SPATA31F1: variants seen among roughly 807,000 people sequenced by gnomAD.
SPATA31F1 encodes SPATA31 subfamily F member 1, also known as protein SPATA31F1.
At chr9:34,727,983 A>G in the SPATA31F1 span, 1 of 1,539,444 alleles carries the variant, frequency 6.5e-7, no homozygotes, top group Non-Finnish European at 8.8e-7. Flanking sequence ...ATCATAGGCC[A>G]GGCTGGTTGT....
the SPATA31F1 span, chr9:34,724,100 T>C: frequency 6.5e-7 from 1 of 1,528,816 alleles, no homozygotes; most frequent in Non-Finnish European, 8.8e-7. Context: ...GTCCTCTCTG[T>C]TTCCTGCTAG....
chr9:34,724,077 T>C, the SPATA31F1 span: 1 of 1,525,054 alleles, frequency 6.6e-7, no homozygotes, highest in Non-Finnish European at 8.8e-7. Context: ...CTGGCTGCTT[T>C]GGTTTCCTCT....
At chr9:34,723,269 C>T in the SPATA31F1 span, 84 of 1,551,716 alleles carry the variant, frequency 5.4e-5, 1 homozygote, top group Middle Eastern at 3.3e-4. Context: ...ACAAGCCTCT[C>T]GAGGACAGTG....
At chr9:34,724,155 G>A in the SPATA31F1 span, 7 of 1,550,342 alleles carry the variant, frequency 4.5e-6, no homozygotes, top group Non-Finnish European at 6.1e-6. Flanking sequence ...GGGCTTTGAG[G>A]CTCAGGGCCA....
chr9:34,727,521 G>A, the SPATA31F1 span, among the ~76,000 whole-genome samples: 2 of 152,192 alleles, frequency 1.3e-5, no homozygotes, highest in Non-Finnish European at 2.9e-5. Flanking sequence ...TTAAGGAGAG[G>A]ATAATATAAT....
At chr9:34,729,473 A>C in the SPATA31F1 span, 53 of 1,519,720 alleles carry the variant, frequency 3.5e-5, no homozygotes, top group Non-Finnish European at 4.2e-5. Context: ...TCTATCTCGG[A>C]ATTCAGGGTT....
chr9:34,728,238 C>T, the SPATA31F1 span, among the ~76,000 whole-genome samples: 4 of 152,196 alleles, frequency 2.6e-5, no homozygotes, highest in African/African-American at 7.2e-5. Context: ...ATCGCTGTAA[C>T]ACAATGTCCC....
the SPATA31F1 span, chr9:34,723,281 C>T: frequency 5.3e-3 from 8,232 of 1,551,706 alleles, 31 homozygotes; most frequent in Non-Finnish European, 6.0e-3. Flanking sequence ...AGGACAGTGA[C>T]GAGGGCAGTG....
At chr9:34,723,621 T>C in the SPATA31F1 span, 6 of 1,551,790 alleles carry the variant, frequency 3.9e-6, no homozygotes, top group African/African-American at 1.4e-5. Flanking sequence ...CTAGACTCTG[T>C]AAGGCTGGGC....
the SPATA31F1 span, chr9:34,723,183 T>C: frequency 1.3e-6 from 2 of 1,519,846 alleles, no homozygotes; most frequent in African/African-American, 1.4e-5. Flanking sequence ...TGGCTCTGCA[T>C]GTTCTCCTTG....
chr9:34,723,450 T>C, the SPATA31F1 span: 5 of 1,551,654 alleles, frequency 3.2e-6, no homozygotes, highest in Non-Finnish European at 3.5e-6. Context: ...TCCGTCTTAC[T>C]TCTCCCCACA....
chr9:34,723,331 G>A, the SPATA31F1 span: 1 of 1,551,688 alleles, frequency 6.4e-7, no homozygotes, highest in Non-Finnish European at 8.7e-7. Context: ...CAGGTTGTCT[G>A]GAGTGTAGCC....
At chr9:34,726,706 C>A in the SPATA31F1 span, 8 of 1,551,684 alleles carry the variant, frequency 5.2e-6, no homozygotes, top group Admixed American at 2.0e-5. Context: ...TTAAAGATTT[C>A]TGATCTGTTA....
the SPATA31F1 span, chr9:34,727,013 T>C: frequency 6.5e-7 from 1 of 1,537,842 alleles, no homozygotes; most frequent in Non-Finnish European, 8.8e-7. Flanking sequence ...ACGGCAAAAT[T>C]AACGATGGAG....
At chr9:34,726,549 G>T in the SPATA31F1 span, 2 of 1,551,760 alleles carry the variant, frequency 1.3e-6, no homozygotes, top group Non-Finnish European at 1.7e-6. Flanking sequence ...TGGTTCAGTG[G>T]AGCCCTTGGC....
chr9:34,723,802 A>G, the SPATA31F1 span: 4 of 1,551,590 alleles, frequency 2.6e-6, no homozygotes, highest in Non-Finnish European at 3.5e-6. Flanking sequence ...CAAGGATGAC[A>G]GTTAGCTTGG....
chr9:34,723,177 T>A, the SPATA31F1 span: 1 of 1,508,434 alleles, frequency 6.6e-7, no homozygotes, highest in Non-Finnish European at 8.9e-7. Context: ...TTTTCATGGC[T>A]CTGCATGTTC....
the SPATA31F1 span, chr9:34,727,042 A>G: frequency 6.6e-7 from 1 of 1,514,826 alleles, no homozygotes; most frequent in Non-Finnish European, 8.8e-7. Flanking sequence ...GCCTTCTTGG[A>G]AGAGTGTGGG....
chr9:34,726,213 T>C, the SPATA31F1 span: 8 of 1,378,082 alleles, frequency 5.8e-6, no homozygotes, highest in African/African-American at 9.9e-5. Flanking sequence ...TGAGGAGTAT[T>C]CTTCAGGTTG....
Sources: allele counts gnomAD v4.1 joint callset (sites outside exome capture counted in the v4.1 genomes callset), GRCh38; gene constraint gnomAD v4.1.1; transcripts MANE v1.5; gene names NCBI Gene and HGNC (gene_info 2026-07-23, HGNC 2026-07-21).